TG: variants seen among roughly 807,000 people sequenced by gnomAD.
TG encodes the protein thyroglobulin.
In TG, 270 loss-of-function variants were observed where a neutral mutation model predicts 324.7. The ratio of observed to expected loss-of-function variants is 0.83; its 90% CI spans 0.75 to 0.92. The LOEUF is 0.92. Among genes scored for constraint, TG ranks in the 40% least tolerant of loss-of-function variants. TG has a pLI of 0.00. For synonymous variants in TG, 1,401 were observed against 1,327.0 expected (o/e 1.06, Z -1.21); for missense variants, 3,591 against 3,456.4 (o/e 1.04, Z -0.98).
intron 46 of TG, 42 bp from the exon 47 acceptor site, chr8:133,133,428 C>T: frequency 1.3e-6 from 2 of 1,592,930 alleles, no homozygotes; most frequent in Non-Finnish European, 8.6e-7. Context: ...AAAGGAAAGA[C>T]AAATTTCCCT....
chr8:132,904,108 T>G (rs956760963), intron 16 of TG, among the ~76,000 whole-genome samples: 3 of 152,158 alleles, frequency 2.0e-5, no homozygotes, highest in Non-Finnish European at 4.4e-5. Flanking sequence ...GGGCTTTGGG[T>G]GGCAAAGTTA....
chr8:132,917,889 ATT>A lies in TG; in HGVS notation c.4379-1472_4379-1471del, dbSNP rs71299038. 4.8e-3 allele frequency among the ~76,000 whole-genome samples: 663 copies of A among 138,784 alleles called. 5 individuals are homozygous for A. Among genetic ancestry groups the A allele is most frequent in the Non-Finnish European group, 7.4e-3 (481 of 65,060 alleles). 91.0% of individuals were successfully genotyped at this position (138,784 alleles called of 152,430 possible). Reference sequence around the variant, plus strand: ...TGCAAAAGTAATTACGGTTTTTGCAATTTTTTTTTTTTTTTTAATTGCAAAAA... The same window carrying A: ...TGCAAAAGTAATTACGGTTTTTGCAATTTTTTTTTTTTTTAATTGCAAAAA... On this transcript the variant is annotated intron_variant, in intron 20 of 47. Coordinates refer to ENST00000220616, the MANE Select transcript of TG (RefSeq NM_003235.5).
intron 45 of TG, among the ~76,000 whole-genome samples, chr8:133,117,145 C>T (rs1329645619): frequency 6.6e-6 from 1 of 152,066 alleles, no homozygotes; most frequent in Non-Finnish European, 1.5e-5. Context: ...GGTTCCAGCT[C>T]CCTTAGAATA....
chr8:132,953,606 C>T (rs1826419483), intron 27 of TG, among the ~76,000 whole-genome samples: 1 of 152,152 alleles, frequency 6.6e-6, no homozygotes, highest in African/African-American at 2.4e-5. Context: ...AACAATTATA[C>T]CCCAAACAAC....
Position 132,913,046 on chromosome 8 carries a change from G to C in TG, c.4160-1G>C. 3.1e-6 allele frequency: 5 copies of C among 1,614,038 alleles called. No individual in the cohort carries two copies. Among genetic ancestry groups the C allele is most frequent in the Non-Finnish European group, 4.2e-6 (5 of 1,179,954 alleles). The stretch of plus-strand genomic sequence containing the variant: ...CCTCTACCTTATCCTGTGTCTTACA[G>C]AGAGAGCCTTGGTGGGCAAGGATCT... On this transcript the variant is annotated splice_acceptor_variant, in intron 19 of 47. Coordinates refer to ENST00000220616, the MANE Select transcript of TG (RefSeq NM_003235.5). LOFTEE classifies it high-confidence loss of function.
At chr8:133,068,523 T>G (rs1158338676) in intron 41 of TG, among the ~76,000 whole-genome samples, 2 of 152,272 alleles carry the variant, frequency 1.3e-5, no homozygotes, top group Non-Finnish European at 1.5e-5. Context: ...CCACTCTTTC[T>G]GCTGTTTTTG....
At chr8:133,005,669 G>A (rs889597596) in intron 35 of TG, among the ~76,000 whole-genome samples, 1 of 152,164 alleles carries the variant, frequency 6.6e-6, no homozygotes, top group Non-Finnish European at 1.5e-5. Flanking sequence ...TAGTCTGGCT[G>A]CTTTACTGTG....
At chr8:132,923,317 A>C (rs200698081) in intron 21 of TG, 21 bp from the exon 22 acceptor site, 5 of 1,612,828 alleles carry the variant, frequency 3.1e-6, no homozygotes, top group African/African-American at 1.3e-5. Context: ...ATTGACGGCT[A>C]TGTCAATCTA....
In TG at chr8:132,887,318, C is replaced by T. The variant is rs1554657542; in HGVS notation, c.1946C>T (p.Ser649Leu). The change falls in exon 9 of 48, where the codon TCA becomes TTA. Residue 649 changes from serine (S) to leucine (L), a missense_variant. Coordinates refer to ENST00000220616, the MANE Select transcript of TG (RefSeq NM_003235.5). ...VNSWGKELPGSRVRGGQPRCP... is the reference protein window; with the variant it reads ...VNSWGKELPGLRVRGGQPRCP... Reference sequence around the variant, plus strand: ...TCCTGGGGCAAAGAGCTTCCAGGCTCAAGAGTCAGAGGTGGACAGCCAAGG... The same window carrying T: ...TCCTGGGGCAAAGAGCTTCCAGGCTTAAGAGTCAGAGGTGGACAGCCAAGG... 1 of 1,608,480 alleles carries T rather than the reference C, an allele frequency of 6.2e-7. No homozygotes were observed. Among genetic ancestry groups the T allele is most frequent in the Admixed American group, 1.7e-5 (1 of 59,836 alleles).
chr8:132,921,884 A>C (rs1470683762), intron 21 of TG, among the ~76,000 whole-genome samples: 2 of 152,220 alleles, frequency 1.3e-5, no homozygotes, highest in African/African-American at 4.8e-5. Context: ...TCAATGGTGA[A>C]TCACATAACC....
intron 41 of TG, chr8:133,044,994 G>T (rs762861289): frequency 6.2e-7 from 1 of 1,614,046 alleles, no homozygotes; most frequent in Non-Finnish European, 8.5e-7. Flanking sequence ...CAGAATAGTG[G>T]TTCACCAGGT....
At chr8:133,105,871 G>A (rs185833052) in intron 43 of TG, among the ~76,000 whole-genome samples, 21 of 152,230 alleles carry the variant, frequency 1.4e-4, no homozygotes, top group African/African-American at 2.6e-4. Context: ...GGGATGGGGC[G>A]TCTACTGGTG....
Position 132,909,461 on chromosome 8 carries a change from A to T in TG, c.4002+1121A>T, listed in dbSNP as rs548127851. ...CCAGGGGACTAGAGAGCTGAGGACC[A>T]TGCTGAAGACAGAGATAGGGTCAGG... On this transcript the variant is annotated intron_variant, in intron 18 of 47. Coordinates refer to ENST00000220616, the MANE Select transcript of TG (RefSeq NM_003235.5). 2.0e-5 allele frequency among the ~76,000 whole-genome samples: 3 copies of T among 152,354 alleles called. No homozygotes were observed. In the South Asian group the frequency reaches 6.2e-4, roughly 32 times the overall value.
At position 133,064,488 on chromosome 8, in the gene TG, C is replaced by T. The variant is rs187563287; in HGVS notation, c.7240-30556C>T. Among the ~76,000 whole-genome samples the T allele has an allele frequency of 2.0e-5, 3 of 152,320 alleles. No homozygotes were observed. In the East Asian group the frequency reaches 5.8e-4, roughly 29 times the overall value. ...TGTTAGTGTGAGATCAGGGGTTAGT[C>T]ACCTGCCCACTGTCCTGGAGCTGGA... On this transcript the variant is annotated intron_variant, in intron 41 of 47. Transcript: ENST00000220616.
intron 43 of TG, among the ~76,000 whole-genome samples, chr8:133,101,093 G>C (rs1266034429): frequency 6.6e-6 from 1 of 152,090 alleles, no homozygotes; most frequent in Non-Finnish European, 1.5e-5. Flanking sequence ...GGGGAGGGTG[G>C]CGGGTGGCAG....
chr8:133,001,511 C>T (rs1041950429), intron 35 of TG, among the ~76,000 whole-genome samples: 1 of 152,194 alleles, frequency 6.6e-6, no homozygotes, highest in African/African-American at 2.4e-5. Context: ...ACAAGGATGT[C>T]TTTATTTGGT....
intron 20 of TG, among the ~76,000 whole-genome samples, chr8:132,917,045 C>A (rs1451803271): frequency 8.6e-6 from 1 of 116,896 alleles, no homozygotes; most frequent in African/African-American, 3.2e-5. Flanking sequence ...CTCCCTCCCT[C>A]CTTCCTTCCT....
chr8:132,929,560 C>T (rs1822387851), intron 23 of TG, among the ~76,000 whole-genome samples: 1 of 152,164 alleles, frequency 6.6e-6, no homozygotes, highest in Admixed American at 6.5e-5. Context: ...AGGATTATCT[C>T]ACAATCCCAA....
At chr8:132,997,094 AT>A (rs1169313273) in intron 35 of TG, among the ~76,000 whole-genome samples, 1 of 152,228 alleles carries the variant, frequency 6.6e-6, no homozygotes, top group Non-Finnish European at 1.5e-5. Flanking sequence ...TGAAATTTAT[AT>A]TTAAAATGAT....
Sources: gnomAD v4.1 joint callset for allele counts (sites outside exome capture counted in the v4.1 genomes callset) on GRCh38, gnomAD v4.1.1 for gene constraint, MANE v1.5 for transcripts, NCBI Gene and HGNC (gene_info 2026-07-23, HGNC 2026-07-21) for gene names.